The following EFCAB5 variants were observed in gnomAD, a reference collection of about 807,000 sequenced individuals.
The protein encoded by EFCAB5 is EF-hand calcium binding domain 5, also known as EF-hand calcium-binding domain-containing protein 5.
Under a neutral mutation model 167.9 loss-of-function variants are expected in EFCAB5, and 131 were observed. That is an observed-to-expected ratio of 0.78 (90% CI 0.68 to 0.90). The LOEUF is 0.90. Ranked by LOEUF, EFCAB5 falls within the 40% of genes least tolerant of loss-of-function variation. The pLI, the probability that EFCAB5 is intolerant of heterozygous loss-of-function variation, is 0.00. For missense variants in EFCAB5, 1,663 were observed against 1,745.2 expected (o/e 0.95, Z 0.84); for synonymous variants, 574 against 602.8 (o/e 0.95, Z 0.70).
chr17:30,050,357 A>T (rs1287682416), intron 8 of EFCAB5, among the ~76,000 whole-genome samples: 1 of 151,934 alleles, frequency 6.6e-6, no homozygotes, highest in Admixed American at 6.6e-5. Context: ...CTGGTCTCGA[A>T]CTCCCGACCT....
chr17:30,016,598 A>C (rs1456984906), intron 7 of EFCAB5, among the ~76,000 whole-genome samples: 1 of 152,218 alleles, frequency 6.6e-6, no homozygotes, highest in Non-Finnish European at 1.5e-5. Flanking sequence ...GTCAAAATTC[A>C]TTGACAATAG....
At chr17:30,073,000 T>C in intron 14 of EFCAB5, 2 of 509,400 alleles carry the variant, frequency 3.9e-6, no homozygotes, top group South Asian at 2.9e-5. Context: ...TTTTAGACAA[T>C]GGGAGTTCTT....
At chr17:30,097,813 G>T (rs1320496806) in intron 22 of EFCAB5, among the ~76,000 whole-genome samples, 1 of 151,990 alleles carries the variant, frequency 6.6e-6, no homozygotes, top group African/African-American at 2.4e-5. Context: ...TGTACTTCTT[G>T]ATAATTCCCA....
At position 30,067,376 on chromosome 17, in the gene EFCAB5, G is replaced by T. The variant is rs562511991; in HGVS notation, c.2737+7675G>T. Reference sequence around the variant, plus strand: ...TTACCTCTAATCCCAGCACTTTGGGGGGCCAGGGCAGGAGGCTCACTTGAG... The same window carrying T: ...TTACCTCTAATCCCAGCACTTTGGGTGGCCAGGGCAGGAGGCTCACTTGAG... On this transcript the variant is annotated intron_variant, in intron 14 of 22. Coordinates refer to ENST00000394835, the MANE Select transcript of EFCAB5 (RefSeq NM_198529.4). 2.3e-3 allele frequency among the ~76,000 whole-genome samples: 349 copies of T among 152,206 alleles called. 1 individual carries two copies. The highest frequency in any genetic ancestry group is 8.2e-3 in the African/African-American group (339 of 41,540).
chr17:30,014,569 C>T (rs1454080283), intron 7 of EFCAB5, among the ~76,000 whole-genome samples: 1 of 151,966 alleles, frequency 6.6e-6, no homozygotes, highest in Non-Finnish European at 1.5e-5. Flanking sequence ...CTTCTTTGTC[C>T]CTTTTGATCT....
intron 12 of EFCAB5, among the ~76,000 whole-genome samples, chr17:30,057,309 C>G (rs1267630052): frequency 6.6e-6 from 1 of 152,190 alleles, no homozygotes; most frequent in East Asian, 1.9e-4. Context: ...AGCTTATACT[C>G]TACTAGTTCA....
rs765618203 is a variant in EFCAB5, at chr17:30,034,342, G to A, written c.1157G>A (p.Arg386Lys). Residue 386 changes from arginine (R) to lysine (K), a missense_variant, in exon 8 of 23, where the codon AGG becomes AAG. Arg to Lys is a conservative substitution (Grantham distance 26). Transcript: ENST00000394835. ...FREVIKADMR[R>K]QMFAELFLHC... ...GAGGTCATAAAAGCTGACATGCGGAGGCAGATGTTCGCTGAACTCTTCCTA... is the reference window on the plus strand; with the variant it reads ...GAGGTCATAAAAGCTGACATGCGGAAGCAGATGTTCGCTGAACTCTTCCTA... The A allele has an allele frequency of 2.7e-5, 43 of 1,611,948 alleles. No individual in the cohort carries two copies. Among genetic ancestry groups the A allele is most frequent in the Admixed American group, 5.0e-5 (3 of 59,648 alleles).
At chr17:30,091,395 T>C (rs935668758) in intron 20 of EFCAB5, among the ~76,000 whole-genome samples, 1 of 152,178 alleles carries the variant, frequency 6.6e-6, no homozygotes, top group Non-Finnish European at 1.5e-5. Context: ...GCCAAAAGAT[T>C]TGTAACTATG....
rs879047580 is a variant in EFCAB5, at chr17:30,087,751, C to T, written c.3683+585C>T. ...CTACTGTGAATAGTGCTGCAATGAA[C>T]ATATGTGTGCATGTATCTTTATAAT... On this transcript the variant is annotated intron_variant, in intron 19 of 22. Transcript: ENST00000394835. Among the ~76,000 whole-genome samples, 5 of 152,174 alleles carry T rather than the reference C, an allele frequency of 3.3e-5. No individual in the cohort carries two copies. In the East Asian group the frequency reaches 9.6e-4, roughly 29 times the overall value.
At chr17:30,024,764 T>A (rs954237023) in intron 7 of EFCAB5, among the ~76,000 whole-genome samples, 1 of 152,090 alleles carries the variant, frequency 6.6e-6, no homozygotes, top group African/African-American at 2.4e-5. Flanking sequence ...GGAGGCATCA[T>A]GCTACCTGAC....
At position 29,943,637 on chromosome 17, in the gene EFCAB5, A is replaced by G; in HGVS notation, c.178A>G (p.Ile60Val). 6.3e-7 allele frequency: 1 copy of G among 1,576,438 alleles called. No homozygotes were observed. The highest frequency in any genetic ancestry group is 8.6e-7 in the Non-Finnish European group (1 of 1,160,334). The change falls in exon 3 of 23, where the codon ATC (isoleucine) becomes GTC (valine). Residue 60 changes from isoleucine to valine, a missense_variant. Transcript: ENST00000394835. ...TGTGGTGGAGAAAGCAATGGATGAA[A>G]TCAAATCCCAAGGTAGAGAACTAGC... Reference protein sequence around the residue: ...NSVVEKAMDEIKSQELNLEGQ... With the variant: ...NSVVEKAMDEVKSQELNLEGQ...
At chr17:29,963,187 C>T (rs1298763068) in intron 3 of EFCAB5, among the ~76,000 whole-genome samples, 1 of 152,158 alleles carries the variant, frequency 6.6e-6, no homozygotes, top group Non-Finnish European at 1.5e-5. Flanking sequence ...AGCAATTCTC[C>T]CACCTCAGCC....
rs1309217523 is a variant in EFCAB5 at position 29,969,126 on chromosome 17, G to A, written c.526G>A (p.Asp176Asn). The part of the protein sequence containing the change: ...MTLNNTAYLL[D>N]KLLPTLVPGV... ...ACTGAATAATACTGCATATTTGCTTGACAAACTTCTACCCACCTTAGTTCC... is the reference window on the plus strand; with the variant it reads ...ACTGAATAATACTGCATATTTGCTTAACAAACTTCTACCCACCTTAGTTCC... Residue 176 changes from aspartate (D) to asparagine (N), a missense_variant, in exon 4 of 23, where the codon GAC becomes AAC. Physicochemically the swap from Asp to Asn is conservative, Grantham distance 23. Coordinates refer to ENST00000394835, the MANE Select transcript of EFCAB5 (RefSeq NM_198529.4). 5 of 1,613,836 alleles carry A rather than the reference G, an allele frequency of 3.1e-6. No homozygotes were observed. The highest frequency in any genetic ancestry group is 1.1e-5 in the South Asian group (1 of 91,054).
At chr17:30,078,540 T>G in intron 15 of EFCAB5, 36 bp downstream of exon 15, 1 of 1,506,796 alleles carries the variant, frequency 6.6e-7, no homozygotes, top group Non-Finnish European at 8.9e-7. Context: ...GAGGAAACAT[T>G]TCCTCAAAGT....
intron 7 of EFCAB5, among the ~76,000 whole-genome samples, chr17:30,015,413 TC>T (rs912236504): frequency 6.6e-6 from 1 of 152,224 alleles, no homozygotes; most frequent in Non-Finnish European, 1.5e-5. Context: ...GGTTCCATTC[TC>T]CCCGTCACTT....
At chr17:29,976,545 C>T (rs1244952165) in intron 4 of EFCAB5, among the ~76,000 whole-genome samples, 1 of 152,116 alleles carries the variant, frequency 6.6e-6, no homozygotes, top group Admixed American at 6.5e-5. Flanking sequence ...TAATCCCTAT[C>T]GACTTAAAGC....
intron 10 of EFCAB5, 106 bp downstream of exon 10, chr17:30,054,254 T>C: frequency 7.2e-7 from 1 of 1,392,108 alleles, no homozygotes; most frequent in Non-Finnish European, 9.5e-7. Flanking sequence ...TTCTGGCATA[T>C]CAGATCATGC....
chr17:29,961,766 T>A (rs2067724561), intron 3 of EFCAB5, among the ~76,000 whole-genome samples: 1 of 152,190 alleles, frequency 6.6e-6, no homozygotes, highest in Non-Finnish European at 1.5e-5. Flanking sequence ...TTTGTTTTTT[T>A]AATTTTTTGT....
intron 14 of EFCAB5, among the ~76,000 whole-genome samples, chr17:30,067,260 T>C (rs964652623): frequency 6.6e-6 from 1 of 152,062 alleles, no homozygotes; most frequent in African/African-American, 2.4e-5. Context: ...AATGTAAGAA[T>C]TCTCAACAAA....
Sources: gnomAD v4.1 joint callset for allele counts (sites outside exome capture counted in the v4.1 genomes callset) on GRCh38, gnomAD v4.1.1 for gene constraint, MANE v1.5 for transcripts, NCBI Gene and HGNC (gene_info 2026-07-23, HGNC 2026-07-21) for gene names.